Variants in CTNND1 observed in about 807,000 individuals in gnomAD.
CTNND1 encodes catenin delta 1.
CTNND1 carries 16 observed loss-of-function variants against 112.1 expected under a neutral mutation model. The observed-to-expected ratio is 0.14, with a 90% CI of 0.10 to 0.22. CTNND1 has a LOEUF of 0.22. Among genes scored for constraint, CTNND1 ranks in the 10% least tolerant of loss-of-function variants. CTNND1 has a pLI of 1.00. For missense variants in CTNND1, 1,008 were observed against 1,257.0 expected, an observed-to-expected ratio of 0.80 and a Z score of 3.00; for synonymous variants, 420 against 446.5, an observed-to-expected ratio of 0.94 and a Z score of 0.75.
chr11:57,805,043 C>T (rs575475479), intron 9 of CTNND1, among the ~76,000 whole-genome samples: 8 of 152,226 alleles, frequency 5.3e-5, no homozygotes, highest in East Asian at 1.9e-4. Context: ...GGATTACAGG[C>T]GTGTGCCACC....
At chr11:57,806,571 C>A in intron 11 of CTNND1, 93 bp downstream of exon 11, 1 of 1,177,786 alleles carries the variant, frequency 8.5e-7, no homozygotes, top group South Asian at 1.3e-5. Context: ...CTTTCCCTGT[C>A]TATGCATGTA....
At chr11:57,764,405 GT>G (rs1950596713) in intron 1 of CTNND1, among the ~76,000 whole-genome samples, 1 of 152,144 alleles carries the variant, frequency 6.6e-6, no homozygotes, top group African/African-American at 2.4e-5. Context: ...CCAGCCTTAG[GT>G]TTATGAAGTA....
At chr11:57,765,460 A>ATTTTTTTTTTTTTTTTTTTTTTTTTTT (rs5792061) in intron 1 of CTNND1, among the ~76,000 whole-genome samples, 1 of 105,600 alleles carries the variant, frequency 9.5e-6, no homozygotes, top group African/African-American at 3.5e-5. Context: ...TCCTCCCTTA[A>ATTTTTTTTTTTTTTTTTTTTTTTTTTT]TTTTTTTTTT....
At chr11:57,809,177 C>A in intron 14 of CTNND1, 97 bp from the exon 15 acceptor site, 1 of 840,620 alleles carries the variant, frequency 1.2e-6, no homozygotes, top group Non-Finnish European at 1.9e-6. Context: ...ATGTGGACAG[C>A]ACCTACACTT....
At chr11:57,792,675 C>T (rs1202816543) in intron 3 of CTNND1, among the ~76,000 whole-genome samples, 11 of 152,070 alleles carry the variant, frequency 7.2e-5, no homozygotes, top group African/African-American at 1.9e-4. Context: ...GGACTACAGG[C>T]GTGTGCCACC....
intron 12 of CTNND1, among the ~76,000 whole-genome samples, chr11:57,807,938 G>A (rs2062908720): frequency 6.6e-6 from 1 of 152,086 alleles, no homozygotes; most frequent in Non-Finnish European, 1.5e-5. Context: ...GAGGAGTTGA[G>A]TATAATGAGT....
rs759453121 is a variant in CTNND1 at position 57,815,375 on chromosome 11, CT to C, written c.2702-7del. On this transcript the variant is annotated intron_variant, in intron 18 of 20. Coordinates refer to ENST00000399050, the MANE Select transcript of CTNND1 (RefSeq NM_001085458.2). ...GAGGGGAATGTCATATTTCTGTGTA[CT>C]TTTTTTTTTTTAACCAGATAACAAC... The C allele has an allele frequency of 0.1, 95,848 of 927,396 alleles. No homozygotes were observed. Among genetic ancestry groups the C allele is most frequent in the South Asian group, 0.14 (6,736 of 47,368 alleles). The allele number at this position is 927,396 out of a possible 1,614,324, so 57.4% of individuals were successfully genotyped here. A position where few individuals can be genotyped will look rare whatever the true frequency, so the allele number is the denominator to read the frequency against.
chr11:57,798,573 C>T (rs1014440540), intron 6 of CTNND1, among the ~76,000 whole-genome samples: 2 of 151,906 alleles, frequency 1.3e-5, no homozygotes, highest in Non-Finnish European at 2.9e-5. Flanking sequence ...GGGTGGGGGT[C>T]GGGGGATACA....
At chr11:57,775,258 A>C (rs1027172517) in intron 1 of CTNND1, among the ~76,000 whole-genome samples, 1 of 151,500 alleles carries the variant, frequency 6.6e-6, no homozygotes, top group East Asian at 1.9e-4. Flanking sequence ...GGTCTCAGCT[A>C]CTTAGGAAGC....
At chr11:57,803,181 C>T (rs2137165621) in intron 7 of CTNND1, among the ~76,000 whole-genome samples, 1 of 152,326 alleles carries the variant, frequency 6.6e-6, no homozygotes, top group African/African-American at 2.4e-5. Flanking sequence ...AATCTCAGCT[C>T]ACCGCAAGCT....
In CTNND1 at chr11:57,816,282, C is replaced by CT. The variant is rs765694372; in HGVS notation, c.2896-9dup. On this transcript the variant is annotated splice_polypyrimidine_tract_variant and intron_variant, in intron 20 of 20. Coordinates refer to ENST00000399050, the MANE Select transcript of CTNND1 (RefSeq NM_001085458.2). ...AACCCCATTAACATTCTCTCTTTCT[C>CT]TTTTTTCTCCACAGCAGAAGATTTA... 5.9e-5 allele frequency: 95 copies of CT among 1,613,494 alleles called. No homozygotes were observed. The highest frequency in any genetic ancestry group is 1.3e-5 in the African/African-American group (1 of 74,888).
intron 1 of CTNND1, among the ~76,000 whole-genome samples, chr11:57,771,930 CTTTTTCTTTTTTT>C (rs1195749055): frequency 4.0e-5 from 6 of 150,448 alleles, no homozygotes; most frequent in East Asian, 1.9e-4. Flanking sequence ...CAAAATTTTT[CTTTTTCTTTTTTT>C]TTTTTCTTTT....
In CTNND1 at chr11:57,796,914, A is replaced by G. The variant is rs777548439; in HGVS notation, c.878A>G (p.Asp293Gly). The change falls in exon 6 of 21, where the codon GAC becomes GGC. Residue 293 changes from aspartate (D) to glycine (G), a missense_variant. By Grantham distance (94) the Asp-to-Gly change is moderately conservative. Around this residue, in one of 5 missense-constraint regions of CTNND1, gnomAD observed 404 missense variants for 457.9 expected, o/e 0.88. Coordinates refer to ENST00000399050, the MANE Select transcript of CTNND1 (RefSeq NM_001085458.2). ...EDDQRSMGYD[D>G]LDYGMMSDYG... The stretch of plus-strand genomic sequence containing the variant: ...GACCAGCGTAGTATGGGCTATGATG[A>G]CCTGGATTATGGTATGATGTCTGAT... The G allele has an allele frequency of 1.9e-6, 3 of 1,589,244 alleles. No individual in the cohort carries two copies. Among genetic ancestry groups the G allele is most frequent in the Non-Finnish European group, 2.6e-6 (3 of 1,163,866 alleles).
At chr11:57,797,504 T>C (rs1484263458) in intron 6 of CTNND1, among the ~76,000 whole-genome samples, 1 of 138,316 alleles carries the variant, frequency 7.2e-6, no homozygotes, top group African/African-American at 2.6e-5. Context: ...GTGCTGGGAT[T>C]ACAGGCGTGA....
intron 7 of CTNND1, among the ~76,000 whole-genome samples, chr11:57,802,999 G>A (rs886088027): frequency 1.3e-5 from 2 of 152,214 alleles, no homozygotes; most frequent in African/African-American, 4.8e-5. Flanking sequence ...TCCAACAATA[G>A]ACAAGACAGC....
chr11:57,774,958 C>T (rs1347219077), intron 1 of CTNND1, among the ~76,000 whole-genome samples: 3 of 151,382 alleles, frequency 2.0e-5, no homozygotes, highest in Non-Finnish European at 4.4e-5. Flanking sequence ...GGTGATCTGC[C>T]TGCCTCAGCC....
At chr11:57,794,631 C>A (rs1384028879) in intron 4 of CTNND1, among the ~76,000 whole-genome samples, 2 of 151,212 alleles carry the variant, frequency 1.3e-5, no homozygotes, top group African/African-American at 4.9e-5. Flanking sequence ...ACTGAAAATA[C>A]AAAATTAGTC....
Position 57,806,477 on chromosome 11 carries a change from A to G in CTNND1, c.1893A>G (p.Arg631=). 3.1e-6 allele frequency: 5 copies of G among 1,602,444 alleles called. No individual in the cohort carries two copies. The highest frequency in any genetic ancestry group is 4.3e-6 in the Non-Finnish European group (5 of 1,173,772). ...CACTGGAAGATGAGTGGTTCTCCAG[A>G]GGTGAGTGGAGTCTTTTAAGGTGCT... The part of the protein sequence containing the change: ...AKKGKDEWFS[R]GKKPIEDPAN... Residue 631 remains arginine, a splice_region_variant and synonymous_variant, in exon 11 of 21, where the codon AGA becomes AGG. Transcript: ENST00000399050.
rs1290847124 is a variant in CTNND1, at chr11:57,816,242, G to T, written c.2896-55G>T. 2.4e-5 allele frequency: 38 copies of T among 1,609,148 alleles called. No homozygotes were observed. The East Asian group carries it at 6.9e-4, about 29-fold the overall frequency. ...AGATTTGCTCAACTTTTTTGGGGGG[G>T]GTCTCCTTAATCCCAACCCCATTAA... On this transcript the variant is annotated intron_variant, in intron 20 of 20. Coordinates refer to ENST00000399050, the MANE Select transcript of CTNND1 (RefSeq NM_001085458.2).
Sources: gnomAD v4.1 joint callset for allele counts (sites outside exome capture counted in the v4.1 genomes callset) on GRCh38, gnomAD v4.1.1 for gene constraint, gnomAD v4.1.1 regional missense constraint, MANE v1.5 for transcripts, NCBI Gene and HGNC (gene_info 2026-07-23, HGNC 2026-07-21) for gene names.